Variants in TUBB6 observed in about 807,000 individuals in gnomAD.
TUBB6 encodes tubulin beta-6 chain.
A neutral mutation model predicts 32.3 loss-of-function variants in TUBB6; 18 were observed. The observed-to-expected ratio is 0.56, with a 90% confidence interval of 0.39 to 0.83. The LOEUF is 0.83. Among genes scored for constraint, TUBB6 ranks in the 40% least tolerant of loss-of-function variants. TUBB6 has a pLI of 0.00. For missense variants in TUBB6, 480 were observed against 632.0 expected (o/e 0.76, Z 2.58); for synonymous variants, 280 against 265.8 (o/e 1.05, Z -0.52).
At chr18:12,315,621 C>T (rs7505203) in intron 3 of TUBB6, among the ~76,000 whole-genome samples, 17,326 of 152,168 alleles carry the variant, frequency 0.11, 1,108 homozygotes, top group East Asian at 0.22. Flanking sequence ...AAATTGTCAG[C>T]GTAAAACAGA....
downstream of TUBB6, among the ~76,000 whole-genome samples, chr18:12,327,453 G>T (rs990927574): frequency 6.6e-6 from 1 of 152,198 alleles, no homozygotes; most frequent in Non-Finnish European, 1.5e-5. Flanking sequence ...TTTGTGTTAA[G>T]CCCCAGCCTT....
At chr18:12,317,712 G>C (rs1424121014) in intron 3 of TUBB6, among the ~76,000 whole-genome samples, 1 of 152,194 alleles carries the variant, frequency 6.6e-6, no homozygotes, top group Non-Finnish European at 1.5e-5. Flanking sequence ...GGGGGACTCA[G>C]AGAAAACCCT....
intron 3 of TUBB6, among the ~76,000 whole-genome samples, chr18:12,316,066 A>G (rs949816274): frequency 3.3e-5 from 5 of 152,250 alleles, no homozygotes; most frequent in Middle Eastern, 6.3e-3. Flanking sequence ...CCTGGCAGCA[A>G]CTGAGGGACC....
upstream of TUBB6, chr18:12,308,209 G>C: frequency 9.7e-7 from 1 of 1,025,912 alleles, no homozygotes; most frequent in Non-Finnish European, 1.2e-6. Flanking sequence ...GGGCGCGGAG[G>C]GTCGGCCCCG....
chr18:12,328,579 T>TC (rs1312801512), downstream of TUBB6, among the ~76,000 whole-genome samples: 1 of 152,206 alleles, frequency 6.6e-6, no homozygotes, highest in African/African-American at 2.4e-5. Flanking sequence ...GTTCCACTGT[T>TC]CCTTCTCTAA....
chr18:12,311,236 A>G (rs11080566), intron 3 of TUBB6, 183 bp downstream of exon 3: 85,715 of 493,234 alleles, frequency 0.17, 8,580 homozygotes, highest in South Asian at 0.32. Flanking sequence ...TTAAATCTTG[A>G]CTTTTTTGGT....
At chr18:12,308,129 G>A (rs868446739), upstream of TUBB6, 2 of 237,370 alleles carry the variant, frequency 8.4e-6, no homozygotes, top group Non-Finnish European at 1.4e-5. Flanking sequence ...GCTGCAGGCC[G>A]GGCCGCGGCG....
chr18:12,308,114 C>G (rs1453618959), upstream of TUBB6: 4 of 194,408 alleles, frequency 2.1e-5, no homozygotes, highest in African/African-American at 4.7e-5. Flanking sequence ...CGTCCTCCCT[C>G]GGCTGCTGCA....
rs1568127658 is a variant in TUBB6 at position 12,325,467 on chromosome 18, C to T, written c.678C>T (p.Asn226=). 2 of 1,614,252 alleles carry T rather than the reference C, an allele frequency of 1.2e-6. No individual in the cohort carries two copies. The highest frequency in any genetic ancestry group is 1.7e-5 in the Admixed American group (1 of 60,036). ...CAACGCCCACCTACGGGGACCTCAA[C>T]CACCTGGTGTCCGCCACCATGAGTG... ...KLTTPTYGDL[N]HLVSATMSGV... Residue 226 remains asparagine, a synonymous_variant, in exon 4 of 4, where the codon AAC becomes AAT. Transcript: ENST00000317702.
At chr18:12,320,275 T>TG (rs60739191) in intron 3 of TUBB6, among the ~76,000 whole-genome samples, 1 of 151,462 alleles carries the variant, frequency 6.6e-6, no homozygotes, top group Admixed American at 6.6e-5. Flanking sequence ...AATATTCACT[T>TG]ATCATAAAAT....
downstream of TUBB6, chr18:12,329,208 T>C (rs1347176828): frequency 1.4e-6 from 1 of 702,838 alleles, no homozygotes; most frequent in Admixed American, 2.0e-5. Context: ...AGAGAAAGCA[T>C]CCCTTCCCAC....
upstream of TUBB6, chr18:12,308,156 GGGCGGGGCCCGCAGCCATTGGCGAGC>G: frequency 2.5e-6 from 1 of 397,774 alleles, no homozygotes. Flanking sequence ...GGGGGCGGCG[GGGCGGGGCCCGCAGCCATTGGCGAGC>G]GGCGGGGCGG....
intron 3 of TUBB6, 63 bp downstream of exon 3, chr18:12,311,116 T>C: frequency 2.2e-6 from 3 of 1,363,502 alleles, no homozygotes; most frequent in Non-Finnish European, 2.0e-6. Flanking sequence ...ATATTTTATA[T>C]GCCAGATTTA....
intron 3 of TUBB6, among the ~76,000 whole-genome samples, chr18:12,311,645 A>T (rs1032544858): frequency 3.3e-5 from 5 of 152,112 alleles, no homozygotes; most frequent in African/African-American, 7.2e-5. Context: ...AATTTTAGAC[A>T]TTAGCTTCTT....
rs1907347377 is a variant in TUBB6 at position 12,326,607 on chromosome 18, T to C, written c.*477T>C. The C allele has an allele frequency of 6.1e-6, 1 of 163,648 alleles. No individual in the cohort carries two copies. Among genetic ancestry groups the C allele is most frequent in the East Asian group, 1.7e-4 (1 of 5,900 alleles). The allele number at this position is 163,648 out of a possible 1,614,324, so 10.1% of individuals were successfully genotyped here. ...TGTGCATAAATGACGTAAGTTACTT[T>C]GTATGGTTACAATGGCTACTTGGGT... is the stretch of plus-strand genomic sequence containing the variant. On this transcript the variant is annotated 3_prime_UTR_variant, in exon 4 of 4. Coordinates refer to ENST00000317702, the MANE Select transcript of TUBB6 (RefSeq NM_032525.3).
At chr18:12,328,351 CT>C (rs1294831485), downstream of TUBB6, among the ~76,000 whole-genome samples, 3 of 152,368 alleles carry the variant, frequency 2.0e-5, no homozygotes, top group Non-Finnish European at 4.4e-5. Flanking sequence ...CCAGTGTCTC[CT>C]CCATGTCCAA....
At chr18:12,322,367 T>C (rs537617617) in intron 3 of TUBB6, among the ~76,000 whole-genome samples, 2 of 151,998 alleles carry the variant, frequency 1.3e-5, no homozygotes, top group South Asian at 4.2e-4. Context: ...TTTTTTTTTT[T>C]TTTTTGAGAC....
At chr18:12,329,321 C>CTT (rs1232395872), downstream of TUBB6, 1 of 675,348 alleles carries the variant, frequency 1.5e-6, no homozygotes, top group Non-Finnish European at 2.7e-6. Flanking sequence ...CTTTCCAGCA[C>CTT]GTCTGGGAGC....
At position 12,308,466 on chromosome 18, in the gene TUBB6, C is replaced by G. The variant is rs1021450887; in HGVS notation, c.57+117C>G. On this transcript the variant is annotated intron_variant, in intron 1 of 3. Coordinates refer to ENST00000317702, the MANE Select transcript of TUBB6 (RefSeq NM_032525.3). ...CTGTGCGCCCCTGGGTCCTCGGAGC[C>G]CGGTGCGGACCCGCGAGGGCCGCAG... 11 of 900,560 alleles carry G rather than the reference C, an allele frequency of 1.2e-5. No homozygotes were observed. In the African/African-American group the frequency reaches 1.9e-4, roughly 16 times the overall value. The allele number at this position is 900,560 out of a possible 1,614,324, so 55.8% of individuals were successfully genotyped here.
Sources: allele counts gnomAD v4.1 joint callset (sites outside exome capture counted in the v4.1 genomes callset), GRCh38; gene constraint gnomAD v4.1.1; transcripts MANE v1.5; gene names NCBI Gene and HGNC (gene_info 2026-07-23, HGNC 2026-07-21).